Variants in HHAT observed in about 807,000 individuals in gnomAD.
The protein encoded by HHAT is hedgehog acyltransferase, also known as protein-cysteine N-palmitoyltransferase HHAT.
Under a neutral mutation model 70.8 loss-of-function variants are expected in HHAT, and 47 were observed. The ratio of observed to expected loss-of-function variants is 0.66; its 90% CI spans 0.53 to 0.85. The LOEUF (loss-of-function observed/expected upper bound fraction) is 0.85. Ranked by LOEUF, HHAT falls within the 40% of genes least tolerant of loss-of-function variation. The pLI, the probability that HHAT is intolerant of heterozygous loss-of-function variation, is 0.00. For missense variants in HHAT, 609 were observed against 604.8 expected (o/e 1.01, Z -0.07); for synonymous variants, 228 against 247.6 (o/e 0.92, Z 0.74).
chr1:210,431,735 G>C (rs12723999), intron 7 of HHAT, among the ~76,000 whole-genome samples: 14,924 of 151,798 alleles, frequency 0.098, 951 homozygotes, highest in Non-Finnish European at 0.14. Context: ...GGTTACTATG[G>C]GGAAGAGGTT....
chr1:210,421,751 A>G (rs2092911169), intron 7 of HHAT, among the ~76,000 whole-genome samples: 1 of 152,148 alleles, frequency 6.6e-6, no homozygotes, highest in African/African-American at 2.4e-5. Flanking sequence ...GGCCTGGTAT[A>G]TAATTTCTAA....
At chr1:210,572,634 C>T (rs535381423) in intron 9 of HHAT, among the ~76,000 whole-genome samples, 1 of 152,254 alleles carries the variant, frequency 6.6e-6, no homozygotes, top group East Asian at 1.9e-4. Flanking sequence ...TGGCTCGTGC[C>T]TGTAATCCCA....
chr1:210,673,531 T>C (rs575111360), intron 11 of HHAT, among the ~76,000 whole-genome samples: 80 of 151,922 alleles, frequency 5.3e-4, no homozygotes, highest in African/African-American at 1.9e-3. Flanking sequence ...CTCAGACTCA[T>C]GGACTTTTTT....
chr1:210,660,697 G>C lies in HHAT; in HGVS notation c.1391-13591G>C, dbSNP rs190481339. 4.1e-3 allele frequency among the ~76,000 whole-genome samples: 621 copies of C among 152,216 alleles called. 9 individuals are homozygous for C. The highest frequency in any genetic ancestry group is 0.014 in the African/African-American group (596 of 41,524). ...AGACTACAGTAGCCAAAACAGCATGGTACTGGTACCAAAACAGAGATATAG... is the reference window on the plus strand; with the variant it reads ...AGACTACAGTAGCCAAAACAGCATGCTACTGGTACCAAAACAGAGATATAG... On this transcript the variant is annotated intron_variant, in intron 11 of 11. Transcript: ENST00000261458.
chr1:210,464,470 C>T, intron 7 of HHAT, 35 bp from the exon 8 acceptor site: 1 of 1,613,468 alleles, frequency 6.2e-7, no homozygotes, highest in South Asian at 1.1e-5. Context: ...CTGTGATTCT[C>T]TTCCATGTGT....
chr1:210,353,509 C>T (rs1219938734), intron 2 of HHAT, among the ~76,000 whole-genome samples: 4 of 144,616 alleles, frequency 2.8e-5, no homozygotes, highest in Non-Finnish European at 4.5e-5. Context: ...ACCACCTATT[C>T]GTTCTTATTT....
At chr1:210,510,647 C>T (rs1299739335) in intron 8 of HHAT, among the ~76,000 whole-genome samples, 3 of 152,158 alleles carry the variant, frequency 2.0e-5, no homozygotes, top group Non-Finnish European at 4.4e-5. Flanking sequence ...TTGGGAAGAG[C>T]AAGTAATTCG....
chr1:210,456,953 C>G (rs539258008), intron 7 of HHAT, among the ~76,000 whole-genome samples: 4 of 152,334 alleles, frequency 2.6e-5, no homozygotes, highest in South Asian at 2.1e-4. Flanking sequence ...GCAGCTGTTC[C>G]TCAGTTCTGC....
chr1:210,466,417 C>T, intron 8 of HHAT, among the ~76,000 whole-genome samples: 1 of 152,254 alleles, frequency 6.6e-6, no homozygotes, highest in South Asian at 2.1e-4. Context: ...AAAAGGTGAC[C>T]CTGGTTGGAA....
chr1:210,573,924 G>C (rs923107763), intron 9 of HHAT, among the ~76,000 whole-genome samples: 4 of 152,224 alleles, frequency 2.6e-5, no homozygotes, highest in Non-Finnish European at 5.9e-5. Context: ...AGGGAAATGA[G>C]AGGGATGAAG....
intron 10 of HHAT, among the ~76,000 whole-genome samples, chr1:210,599,789 A>G (rs1663830200): frequency 6.6e-6 from 1 of 152,078 alleles, no homozygotes; most frequent in African/African-American, 2.4e-5. Flanking sequence ...AAACCTAACC[A>G]TGTTGCTGTC....
At position 210,404,591 on chromosome 1, in the gene HHAT, A is replaced by G. The variant is rs747455697; in HGVS notation, c.596A>G (p.Tyr199Cys). The G allele has an allele frequency of 3.1e-6, 5 of 1,612,798 alleles. No homozygotes were observed. In the South Asian group the frequency reaches 3.3e-5, roughly 11 times the overall value. ...CAGCTGCCTGCTGCATCGACCTCCT[A>G]CTCCTTTCCCTGGATGCTGGCCTAT... Reference protein sequence around the residue: ...WQQLPAASTSYSFPWMLAYVF... With the variant: ...WQQLPAASTSCSFPWMLAYVF... The change falls in exon 6 of 12, where the codon TAC becomes TGC. Residue 199 changes from tyrosine to cysteine, a missense_variant. Tyr to Cys is a radical substitution (Grantham distance 194, BLOSUM62 -2). Transcript: ENST00000261458.
intron 9 of HHAT, among the ~76,000 whole-genome samples, chr1:210,531,019 G>A (rs935682163): frequency 2.6e-5 from 4 of 152,108 alleles, no homozygotes; most frequent in African/African-American, 9.7e-5. Flanking sequence ...GTGCAACATC[G>A]TAGAGTGTAC....
At chr1:210,463,939 A>T (rs2094037510) in intron 7 of HHAT, among the ~76,000 whole-genome samples, 1 of 152,238 alleles carries the variant, frequency 6.6e-6, no homozygotes, top group South Asian at 2.1e-4. Flanking sequence ...TGTGAGATAC[A>T]GCAAACAGGC....
At chr1:210,506,287 C>G (rs1032688807) in intron 8 of HHAT, among the ~76,000 whole-genome samples, 1 of 152,038 alleles carries the variant, frequency 6.6e-6, no homozygotes, top group African/African-American at 2.4e-5. Context: ...CAGACAGGAG[C>G]TGCTGCTGTG....
chr1:210,328,290 C>G (rs2084696848), upstream of HHAT: 2 of 152,156 alleles, frequency 1.3e-5, no homozygotes, highest in Admixed American at 1.3e-4. Context: ...GCAGCAACAT[C>G]GTCCCAATTA....
chr1:210,581,119 G>A (rs1038449227), intron 9 of HHAT, among the ~76,000 whole-genome samples: 2 of 152,158 alleles, frequency 1.3e-5, no homozygotes, highest in Non-Finnish European at 2.9e-5. Context: ...TCACATAAAT[G>A]TCTTCTTTTG....
At position 210,620,311 on chromosome 1, in the gene HHAT, C is replaced by T. The variant is rs560548927; in HGVS notation, c.1246-3215C>T. ...AGCTCCTATAAACCAGTAGCTGAGC[C>T]AGGAGGTTCCCAAGGTGGAGAGAGA... On this transcript the variant is annotated intron_variant, in intron 10 of 11. Coordinates refer to ENST00000261458, the MANE Select transcript of HHAT (RefSeq NM_018194.6). 2.6e-5 allele frequency among the ~76,000 whole-genome samples: 4 copies of T among 152,254 alleles called. No individual in the cohort carries two copies. The South Asian group carries it at 8.3e-4, about 32-fold the overall frequency.
At chr1:210,532,490 T>G (rs1178222660) in intron 9 of HHAT, among the ~76,000 whole-genome samples, 2 of 152,212 alleles carry the variant, frequency 1.3e-5, no homozygotes, top group Non-Finnish European at 1.5e-5. Context: ...AGCTACTCAT[T>G]GGTAAAAACA....
Sources: allele counts gnomAD v4.1 joint callset (sites outside exome capture counted in the v4.1 genomes callset), GRCh38; gene constraint gnomAD v4.1.1; transcripts MANE v1.5; gene names NCBI Gene and HGNC (gene_info 2026-07-23, HGNC 2026-07-21).